The following ATRNL1 variants were observed in gnomAD, a reference collection of about 807,000 sequenced individuals.
ATRNL1 encodes the protein attractin like 1, also known as attractin-like protein 1.
A neutral mutation model predicts 182.7 loss-of-function variants in ATRNL1; 95 were observed. That is an observed-to-expected ratio of 0.52 (90% CI 0.44 to 0.62). The LOEUF is 0.62. Among genes scored for constraint, ATRNL1 ranks in the 20% least tolerant of loss-of-function variants. ATRNL1 has a pLI of 0.00. For synonymous variants in ATRNL1, 576 were observed against 568.3 expected, an observed-to-expected ratio of 1.01 and a Z score of -0.19; for missense variants, 1,471 against 1,679.5, an observed-to-expected ratio of 0.88 and a Z score of 2.17.
At chr10:115,142,614 A>C (rs1554878316) in intron 5 of ATRNL1, among the ~76,000 whole-genome samples, 1 of 152,188 alleles carries the variant, frequency 6.6e-6, no homozygotes, top group Non-Finnish European at 1.5e-5. Context: ...TTTGAGCAGA[A>C]GATTAGTATT....
At chr10:115,852,884 C>A (rs186370603) in intron 28 of ATRNL1, among the ~76,000 whole-genome samples, 2 of 152,064 alleles carry the variant, frequency 1.3e-5, no homozygotes, top group African/African-American at 4.8e-5. Context: ...AACTATGACT[C>A]GGTGTATGTA....
chr10:115,174,172 G>A (rs1053818112), intron 8 of ATRNL1, among the ~76,000 whole-genome samples: 2 of 151,140 alleles, frequency 1.3e-5, no homozygotes, highest in Non-Finnish European at 3.0e-5. Context: ...ATTTTTGTAC[G>A]TTCATACCTA....
At chr10:115,383,946 G>C (rs1462359097) in intron 19 of ATRNL1, among the ~76,000 whole-genome samples, 2 of 151,854 alleles carry the variant, frequency 1.3e-5, no homozygotes, top group Non-Finnish European at 2.9e-5. Context: ...GAGCTGACTT[G>C]ATATCAACTG....
At position 115,561,704 on chromosome 10, in the gene ATRNL1, G is replaced by GGGGGGTGTGTGT. The variant is rs1554999765; in HGVS notation, c.3795+12169_3795+12170insGGGGTGTGTGTG. Among the ~76,000 whole-genome samples, 7 of 145,032 alleles carry GGGGGGTGTGTGT rather than the reference G, an allele frequency of 4.8e-5. No individual in the cohort carries two copies. In the South Asian group the frequency reaches 1.5e-3, roughly 31 times the overall value. ...GTGTGTGTGTGGGTGTGTGTGTGTGGGTGTGTGTGTGTGTGTGTGTTTGTG... is the reference window on the plus strand; with the variant it reads ...GTGTGTGTGTGGGTGTGTGTGTGTGGGGGGGTGTGTGTGTGTGTGTGTGTGTGTGTGTTTGTG... On this transcript the variant is annotated intron_variant, in intron 26 of 28. Transcript: ENST00000355044.
chr10:115,179,771 A>G (rs1053917678), intron 8 of ATRNL1, among the ~76,000 whole-genome samples: 21 of 152,264 alleles, frequency 1.4e-4, no homozygotes, highest in Non-Finnish European at 2.8e-4. Flanking sequence ...TCAGAATAGC[A>G]TGGAATTAGG....
chr10:115,465,354 C>T (rs1848001569), intron 22 of ATRNL1, among the ~76,000 whole-genome samples: 1 of 151,362 alleles, frequency 6.6e-6, no homozygotes, highest in Admixed American at 6.6e-5. Flanking sequence ...TTTTGTATAC[C>T]ACAACTGAAC....
chr10:115,498,531 A>G (rs2133620400), intron 24 of ATRNL1, among the ~76,000 whole-genome samples: 1 of 152,154 alleles, frequency 6.6e-6, no homozygotes, highest in East Asian at 1.9e-4. Flanking sequence ...ATTGTGGGGT[A>G]CCTAATAAAT....
At chr10:115,564,387 A>T (rs1853946077) in intron 26 of ATRNL1, among the ~76,000 whole-genome samples, 1 of 151,938 alleles carries the variant, frequency 6.6e-6, no homozygotes, top group African/African-American at 2.4e-5. Context: ...CAGCCCATTC[A>T]AACTCATTTT....
At chr10:115,917,351 T>G (rs2134547689) in intron 28 of ATRNL1, among the ~76,000 whole-genome samples, 1 of 151,940 alleles carries the variant, frequency 6.6e-6, no homozygotes, top group South Asian at 2.1e-4. Context: ...GCACCTGTAG[T>G]TCCAGCTACT....
intron 8 of ATRNL1, among the ~76,000 whole-genome samples, chr10:115,208,637 A>G (rs1425110022): frequency 6.6e-6 from 1 of 151,996 alleles, no homozygotes; most frequent in Non-Finnish European, 1.5e-5. Context: ...CCATTTTTCT[A>G]TTGTTGCTTG....
At chr10:115,539,523 G>A (rs1418452527) in intron 25 of ATRNL1, among the ~76,000 whole-genome samples, 1 of 152,200 alleles carries the variant, frequency 6.6e-6, no homozygotes, top group Admixed American at 6.5e-5. Flanking sequence ...CCCCTGACCT[G>A]AAGTCAATGC....
chr10:115,206,111 T>G (rs1848785566), intron 8 of ATRNL1, among the ~76,000 whole-genome samples: 1 of 152,120 alleles, frequency 6.6e-6, no homozygotes, highest in African/African-American at 2.4e-5. Flanking sequence ...GAGTTATAAT[T>G]ATTAGCACTT....
intron 24 of ATRNL1, among the ~76,000 whole-genome samples, chr10:115,499,221 G>A (rs1413373442): frequency 6.6e-6 from 1 of 151,986 alleles, no homozygotes; most frequent in East Asian, 1.9e-4. Flanking sequence ...ACAAAAATAG[G>A]TTTTAACTTC....
chr10:115,227,088 C>T (rs1849730005), intron 9 of ATRNL1, among the ~76,000 whole-genome samples: 1 of 152,050 alleles, frequency 6.6e-6, no homozygotes, highest in African/African-American at 2.4e-5. Flanking sequence ...CCTAATCAAA[C>T]TACAGAGCTC....
chr10:115,254,728 G>C (rs1223700764), intron 10 of ATRNL1, among the ~76,000 whole-genome samples: 1 of 152,112 alleles, frequency 6.6e-6, no homozygotes, highest in Non-Finnish European at 1.5e-5. Flanking sequence ...TGTCCTGAAT[G>C]GTATTGCCTA....
In ATRNL1 at chr10:115,464,515, A is replaced by G. The variant is rs139222635; in HGVS notation, c.3417+2480A>G. Among the ~76,000 whole-genome samples the G allele has an allele frequency of 5.7e-3, 870 of 152,078 alleles. 4 individuals are homozygous for G. The highest frequency in any genetic ancestry group is 0.019 in the African/African-American group (784 of 41,572). On this transcript the variant is annotated intron_variant, in intron 22 of 28. Coordinates refer to ENST00000355044, the MANE Select transcript of ATRNL1 (RefSeq NM_207303.4). ...GGAATAACTACAGTGTCACTTTTTC[A>G]GTACAGCTTTTTAAATCCTAAATGC...
At chr10:115,413,988 A>G (rs1554960379) in intron 20 of ATRNL1, among the ~76,000 whole-genome samples, 3 of 152,082 alleles carry the variant, frequency 2.0e-5, no homozygotes, top group Non-Finnish European at 2.9e-5. Flanking sequence ...AATATTTTAG[A>G]AAGCATTTCT....
At chr10:115,544,269 T>C (rs1399316318) in intron 25 of ATRNL1, among the ~76,000 whole-genome samples, 1 of 152,196 alleles carries the variant, frequency 6.6e-6, no homozygotes, top group East Asian at 1.9e-4. Context: ...AAGTTTACAA[T>C]GCTTCTGTGT....
intron 9 of ATRNL1, among the ~76,000 whole-genome samples, chr10:115,231,465 A>C (rs1849948776): frequency 6.6e-6 from 1 of 152,084 alleles, no homozygotes; most frequent in African/African-American, 2.4e-5. Flanking sequence ...TTTTTTGAGG[A>C]GTTATAAGGA....
Sources: allele counts gnomAD v4.1 joint callset (sites outside exome capture counted in the v4.1 genomes callset), GRCh38; gene constraint gnomAD v4.1.1; transcripts MANE v1.5; gene names NCBI Gene and HGNC (gene_info 2026-07-23, HGNC 2026-07-21).